Variants in RAMP1 observed in about 807,000 individuals in gnomAD.
RAMP1 encodes the protein receptor activity-modifying protein 1.
A neutral mutation model predicts 8.2 loss-of-function variants in RAMP1; 7 were observed. The ratio of observed to expected loss-of-function variants is 0.85; its 90% CI spans 0.49 to 1.60. RAMP1 has a LOEUF of 1.60. Among genes scored for constraint, RAMP1 ranks in the 40% most tolerant of loss-of-function variants. RAMP1 has a pLI of 0.00. For synonymous variants in RAMP1, 92 were observed against 84.7 expected (o/e 1.09, Z -0.47); for missense variants, 192 against 202.4 (o/e 0.95, Z 0.31).
At chr2:237,876,978 T>A (rs73090699) in intron 1 of RAMP1, among the ~76,000 whole-genome samples, 8,598 of 152,228 alleles carry the variant, frequency 0.056, 470 homozygotes, top group African/African-American at 0.14. Flanking sequence ...TGGGATGGAA[T>A]GTGCCCTGGC....
intron 2 of RAMP1, among the ~76,000 whole-genome samples, chr2:237,889,587 C>T (rs1371206209): frequency 1.3e-5 from 2 of 152,180 alleles, no homozygotes; most frequent in Non-Finnish European, 2.9e-5. Flanking sequence ...AAGGCCTCTC[C>T]TACCATGTTT....
chr2:237,883,912 C>CTTTTTTTT (rs34291315), intron 2 of RAMP1, among the ~76,000 whole-genome samples: 1 of 93,008 alleles, frequency 1.1e-5, no homozygotes, highest in Non-Finnish European at 1.9e-5. Context: ...TGTAGGTCCA[C>CTTTTTTTT]TTTTTTTTTT....
intron 1 of RAMP1, among the ~76,000 whole-genome samples, chr2:237,867,207 C>T (rs1042545098): frequency 6.6e-6 from 1 of 151,996 alleles, no homozygotes; most frequent in Admixed American, 6.5e-5. Context: ...TGCAATCCAG[C>T]GTGGGCAATA....
rs1276800644 is a variant in RAMP1 at position 237,876,727 on chromosome 2, G to C, written c.53-497G>C. On this transcript the variant is annotated intron_variant, in intron 1 of 2. Transcript: ENST00000254661. ...TTCTGTGCGGGGCATCGCTGGGCAG[G>C]TCACTGTTGCTCTGGTGTATGGCTC... 2.0e-5 allele frequency among the ~76,000 whole-genome samples: 3 copies of C among 152,306 alleles called. No homozygotes were observed. The East Asian group carries it at 5.8e-4, about 29-fold the overall frequency.
At position 237,911,943 on chromosome 2, in the gene RAMP1, T is replaced by C; in HGVS notation, c.*160T>C. On this transcript the variant is annotated 3_prime_UTR_variant, in exon 3 of 3. Coordinates refer to ENST00000254661, the MANE Select transcript of RAMP1 (RefSeq NM_005855.4). ...CAGGAGTCCAGAGTAGCCGAGGCTCTGGTATTAACCTGGAAGCCCCCCTGG... is the reference window on the plus strand; with the variant it reads ...CAGGAGTCCAGAGTAGCCGAGGCTCCGGTATTAACCTGGAAGCCCCCCTGG... 8.0e-7 allele frequency: 1 copy of C among 1,248,124 alleles called. No individual in the cohort carries two copies. The highest frequency in any genetic ancestry group is 1.1e-6 in the Non-Finnish European group (1 of 929,550). 77.3% of individuals were successfully genotyped at this position (1,248,124 alleles called of 1,614,324 possible).
At position 237,862,332 on chromosome 2, in the gene RAMP1, C is replaced by G. The variant is rs2062140838; in HGVS notation, c.52+2605C>G. ...TCAACTCAGTGTGTTTGTTTACCCTCTCTGTGTGTCTAGCTGCAGGAAGAA... is the reference window on the plus strand; with the variant it reads ...TCAACTCAGTGTGTTTGTTTACCCTGTCTGTGTGTCTAGCTGCAGGAAGAA... On this transcript the variant is annotated intron_variant, in intron 1 of 2. Transcript: ENST00000254661. This position sits in a 1 kb window ranked among gnomAD's most constrained non-coding sequence, Gnocchi z 4.0. Among the ~76,000 whole-genome samples the G allele has an allele frequency of 6.6e-6, 1 of 152,204 alleles. No individual in the cohort carries two copies. The highest frequency in any genetic ancestry group is 2.4e-5 in the African/African-American group (1 of 41,450).
At position 237,911,426 on chromosome 2, in the gene RAMP1, T is replaced by C. The variant is rs534937347; in HGVS notation, c.192-102T>C. The C allele has an allele frequency of 4.0e-6, 6 of 1,492,682 alleles. No homozygotes were observed. The East Asian group carries it at 1.4e-4, about 35-fold the overall frequency. 92.5% of individuals were successfully genotyped at this position (1,492,682 alleles called of 1,614,324 possible). On this transcript the variant is annotated intron_variant, in intron 2 of 2. Coordinates refer to ENST00000254661, the MANE Select transcript of RAMP1 (RefSeq NM_005855.4). The stretch of plus-strand genomic sequence containing the variant: ...GCGTCGGGGCTTCTCCGAGCCAAGC[T>C]TCAGGGCTGCATGAGGGGCCACGGT...
At chr2:237,863,240 C>T (rs545586446) in intron 1 of RAMP1, among the ~76,000 whole-genome samples, 1 of 152,314 alleles carries the variant, frequency 6.6e-6, no homozygotes, top group East Asian at 1.9e-4. Context: ...GGCTCCAGCA[C>T]TTGCTGGACC....
intron 2 of RAMP1, among the ~76,000 whole-genome samples, chr2:237,902,835 T>G (rs1206360724): frequency 6.6e-6 from 1 of 152,148 alleles, no homozygotes; most frequent in Non-Finnish European, 1.5e-5. Context: ...TAAATATAAT[T>G]ATAAAAAGTA....
At chr2:237,882,820 A>AGGCCATCACCAGGTATG (rs1553736835) in intron 2 of RAMP1, among the ~76,000 whole-genome samples, 2 of 143,366 alleles carry the variant, frequency 1.4e-5, no homozygotes, top group African/African-American at 5.3e-5. Context: ...GCCTGCAGGC[A>AGGCCATCACCAGGTATG]GGCCATCACC....
rs1421577014 is a variant in RAMP1 at position 237,865,508 on chromosome 2, C to T, written c.52+5781C>T. Among the ~76,000 whole-genome samples the T allele has an allele frequency of 2.0e-5, 3 of 152,142 alleles. No homozygotes were observed. Among genetic ancestry groups the T allele is most frequent in the Non-Finnish European group, 4.4e-5 (3 of 68,030 alleles). ...GAACATGCCTCAAAAACCACCGTTT[C>T]TCTGAGATGCAGATTTCGCAGGGCC... On this transcript the variant is annotated intron_variant, in intron 1 of 2. Transcript: ENST00000254661. This position sits in a 1 kb window ranked among gnomAD's most constrained non-coding sequence, Gnocchi z 4.2.
intron 2 of RAMP1, among the ~76,000 whole-genome samples, chr2:237,880,193 G>T (rs1196843393): frequency 6.6e-6 from 1 of 151,442 alleles, no homozygotes; most frequent in Non-Finnish European, 1.5e-5. Context: ...GTCACAGACA[G>T]AATTGGTGAC....
intron 2 of RAMP1, among the ~76,000 whole-genome samples, chr2:237,902,699 C>T (rs1490956338): frequency 6.6e-6 from 1 of 152,192 alleles, no homozygotes; most frequent in Non-Finnish European, 1.5e-5. Context: ...GGGTCCCAGC[C>T]CTGCCTGCAC....
chr2:237,876,656 C>G (rs529011386), intron 1 of RAMP1, among the ~76,000 whole-genome samples: 8,361 of 152,248 alleles, frequency 0.055, 443 homozygotes, highest in African/African-American at 0.14. Flanking sequence ...CACCCCCGCC[C>G]CCACCCAGCC....
At position 237,885,039 on chromosome 2, in the gene RAMP1, G is replaced by A. The variant is rs1027426536; in HGVS notation, c.191+7677G>A. 1.1e-4 allele frequency among the ~76,000 whole-genome samples: 17 copies of A among 152,340 alleles called. No homozygotes were observed. In the East Asian group the frequency reaches 2.1e-3, roughly 19 times the overall value. ...CAGGCATGACGCTCTGGGTCCACACGACGTTGGGCAGGGTGCACCAACACT... is the reference window on the plus strand; with the variant it reads ...CAGGCATGACGCTCTGGGTCCACACAACGTTGGGCAGGGTGCACCAACACT... On this transcript the variant is annotated intron_variant, in intron 2 of 2. Coordinates refer to ENST00000254661, the MANE Select transcript of RAMP1 (RefSeq NM_005855.4).
rs115478699 is a variant in RAMP1 at position 237,875,486 on chromosome 2, G to A, written c.53-1738G>A. Among the ~76,000 whole-genome samples, 1,228 of 152,162 alleles carry A rather than the reference G, an allele frequency of 8.1e-3. 21 individuals are homozygous for A. Among genetic ancestry groups the A allele is most frequent in the African/African-American group, 0.028 (1,177 of 41,476 alleles). On this transcript the variant is annotated intron_variant, in intron 1 of 2. Coordinates refer to ENST00000254661, the MANE Select transcript of RAMP1 (RefSeq NM_005855.4). ...ATGCTGGGCACTCATGCCAGGGGTC[G>A]AGGGTGGGTGACCCACTGGAGTGAG... is the stretch of plus-strand genomic sequence containing the variant.
chr2:237,867,277 A>G (rs1315964779), intron 1 of RAMP1, among the ~76,000 whole-genome samples: 1 of 152,062 alleles, frequency 6.6e-6, no homozygotes, highest in Non-Finnish European at 1.5e-5. Context: ...ATTAAGTGTA[A>G]GTGGATCATC....
chr2:237,876,136 GTT>G, intron 1 of RAMP1, among the ~76,000 whole-genome samples: 1 of 152,266 alleles, frequency 6.6e-6, no homozygotes, highest in East Asian at 1.9e-4. Context: ...GTTCCTCTGC[GTT>G]TTACTCAGCA....
rs1272809624 is a variant in RAMP1, at chr2:237,878,698, G to T, written c.191+1336G>T. On this transcript the variant is annotated intron_variant, in intron 2 of 2. Coordinates refer to ENST00000254661, the MANE Select transcript of RAMP1 (RefSeq NM_005855.4). This position sits in a 1 kb window ranked among gnomAD's most constrained non-coding sequence, Gnocchi z 5.7. ...CGTCCACCCCAGGGAACTCCCTCAG[G>T]CCCAGAGTCCGTGCTCAGTGCACTG... Among the ~76,000 whole-genome samples, 5 of 152,236 alleles carry T rather than the reference G, an allele frequency of 3.3e-5. No individual in the cohort carries two copies. The East Asian group carries it at 5.8e-4, about 18-fold the overall frequency.
Sources: gnomAD v4.1 joint callset for allele counts (sites outside exome capture counted in the v4.1 genomes callset) on GRCh38, gnomAD v4.1.1 for gene constraint, Gnocchi (gnomAD v3.1) non-coding constraint, MANE v1.5 for transcripts, NCBI Gene and HGNC (gene_info 2026-07-23, HGNC 2026-07-21) for gene names.